The following SOBP variants were observed in gnomAD, a reference collection of about 807,000 sequenced individuals.
SOBP encodes sine oculis-binding protein homolog.
A neutral mutation model predicts 53.6 loss-of-function variants in SOBP; 4 were observed. That is an observed-to-expected ratio of 0.07 (90% CI 0.04 to 0.17). The LOEUF is 0.17. SOBP is among the 10% of genes least tolerant of loss of function. SOBP has a pLI of 1.00. For missense variants in SOBP, 1,088 were observed against 1,204.7 expected (o/e 0.90, Z 1.43); for synonymous variants, 584 against 522.6 (o/e 1.12, Z -1.60).
intron 6 of SOBP, among the ~76,000 whole-genome samples, chr6:107,642,566 A>G (rs1771377067): frequency 1.3e-5 from 2 of 152,220 alleles, no homozygotes; most frequent in African/African-American, 2.4e-5. Flanking sequence ...AGCCCTGAGT[A>G]GAGAGATGGG....
intron 3 of SOBP, among the ~76,000 whole-genome samples, chr6:107,529,145 G>T (rs1783749077): frequency 6.6e-6 from 1 of 152,192 alleles, no homozygotes; most frequent in South Asian, 2.1e-4. Flanking sequence ...ACTCCTGGTG[G>T]ACTCTGTAGA....
At chr6:107,513,736 AAAAAG>A (rs1477836204) in intron 3 of SOBP, among the ~76,000 whole-genome samples, 2 of 151,562 alleles carry the variant, frequency 1.3e-5, no homozygotes, top group Non-Finnish European at 2.9e-5. Flanking sequence ...AAAAAAAAAA[AAAAAG>A]AAAGAAAAAG....
chr6:107,579,041 T>C (rs1785323375), intron 4 of SOBP, among the ~76,000 whole-genome samples: 1 of 152,168 alleles, frequency 6.6e-6, no homozygotes, highest in Non-Finnish European at 1.5e-5. Context: ...TAATTAAGGA[T>C]TTTGTGGGTG....
At chr6:107,603,658 C>T (rs1458100603) in intron 5 of SOBP, among the ~76,000 whole-genome samples, 3 of 152,114 alleles carry the variant, frequency 2.0e-5, no homozygotes, top group African/African-American at 7.2e-5. Context: ...TGAAGGAAGC[C>T]TCTATGCTCA....
chr6:107,600,818 A>T (rs551080232), intron 5 of SOBP, among the ~76,000 whole-genome samples: 6 of 152,368 alleles, frequency 3.9e-5, no homozygotes, highest in Non-Finnish European at 8.8e-5. Context: ...TCTAGTCAGC[A>T]AGCTTTTATT....
At chr6:107,566,223 C>G (rs989360883) in intron 4 of SOBP, among the ~76,000 whole-genome samples, 1 of 152,172 alleles carries the variant, frequency 6.6e-6, no homozygotes, top group African/African-American at 2.4e-5. Context: ...AAACCAAAAC[C>G]CTTCTCACTC....
intron 1 of SOBP, among the ~76,000 whole-genome samples, chr6:107,502,168 G>A (rs1047112816): frequency 2.6e-5 from 4 of 152,106 alleles, no homozygotes; most frequent in South Asian, 2.1e-4. Flanking sequence ...ATTTAAAGTC[G>A]TGAAATTCAA....
At chr6:107,563,772 G>A (rs987355619) in intron 4 of SOBP, among the ~76,000 whole-genome samples, 1 of 152,060 alleles carries the variant, frequency 6.6e-6, no homozygotes, top group Non-Finnish European at 1.5e-5. Context: ...CATGGCTTTG[G>A]CTTGAGGGGA....
At position 107,635,710 on chromosome 6, in the gene SOBP, G is replaced by A. The variant is rs1401193137; in HGVS notation, c.*3+241G>A. On this transcript the variant is annotated intron_variant, in intron 6 of 6. Transcript: ENST00000317357. This position sits in a 1 kb window ranked among gnomAD's most constrained non-coding sequence, Gnocchi z 4.5. ...CCACAGCATGTGAGTGCCAAGCCCC[G>A]GGTCACTTACTTGAGGGGAGAGCTC... Among the ~76,000 whole-genome samples the A allele has an allele frequency of 6.6e-6, 1 of 152,150 alleles. No individual in the cohort carries two copies. Among genetic ancestry groups the A allele is most frequent in the African/African-American group, 2.4e-5 (1 of 41,418 alleles).
At chr6:107,656,550 T>TAA (rs1352948582) in intron 6 of SOBP, among the ~76,000 whole-genome samples, 1 of 152,214 alleles carries the variant, frequency 6.6e-6, no homozygotes, top group Admixed American at 6.5e-5. Flanking sequence ...GGTGATTTAA[T>TAA]GTGATTGGGG....
At chr6:107,544,073 A>G (rs1412720399) in intron 4 of SOBP, among the ~76,000 whole-genome samples, 1 of 152,168 alleles carries the variant, frequency 6.6e-6, no homozygotes, top group Non-Finnish European at 1.5e-5. Context: ...CAAGGACTGT[A>G]TTGGATGTGG....
intron 4 of SOBP, among the ~76,000 whole-genome samples, chr6:107,543,150 T>A (rs1416791636): frequency 6.6e-6 from 1 of 152,170 alleles, no homozygotes; most frequent in Non-Finnish European, 1.5e-5. Flanking sequence ...ATAAAAGATA[T>A]CATTTGGAGT....
At position 107,570,670 on chromosome 6, in the gene SOBP, C is replaced by G. The variant is rs531135739; in HGVS notation, c.574-16410C>G. 1.6e-3 allele frequency among the ~76,000 whole-genome samples: 241 copies of G among 152,360 alleles called. 1 individual carries two copies. The highest frequency in any genetic ancestry group is 5.3e-3 in the African/African-American group (220 of 41,586). Reference sequence around the variant, plus strand: ...ACTTCCTTTCACCTGTCCTTTCATTCTTTCAGCCACCAGTCTGGGAGGTAG... The same window carrying G: ...ACTTCCTTTCACCTGTCCTTTCATTGTTTCAGCCACCAGTCTGGGAGGTAG... On this transcript the variant is annotated intron_variant, in intron 4 of 6. Coordinates refer to ENST00000317357, the MANE Select transcript of SOBP (RefSeq NM_018013.4).
At chr6:107,540,197 A>G (rs956400610) in intron 4 of SOBP, among the ~76,000 whole-genome samples, 1 of 152,242 alleles carries the variant, frequency 6.6e-6, no homozygotes, top group Admixed American at 6.5e-5. Flanking sequence ...CACAATGCCT[A>G]GTATAGTCGA....
intron 3 of SOBP, among the ~76,000 whole-genome samples, chr6:107,521,953 CACACACAA>C (rs1562587655): frequency 8.8e-6 from 1 of 113,904 alleles, no homozygotes; most frequent in African/African-American, 2.8e-5. Context: ...CACACACACA[CACACACAA>C]ACTCAATCAA....
At chr6:107,500,679 G>A (rs895130309) in intron 1 of SOBP, among the ~76,000 whole-genome samples, 31 of 151,548 alleles carry the variant, frequency 2.0e-4, no homozygotes, top group African/African-American at 5.3e-4. Context: ...CCGCCACTAC[G>A]CCCGGCTAAT....
intron 1 of SOBP, among the ~76,000 whole-genome samples, chr6:107,500,319 G>T (rs1415657028): frequency 6.6e-6 from 1 of 150,516 alleles, no homozygotes; most frequent in Non-Finnish European, 1.5e-5. Flanking sequence ...GGTGGAGGTT[G>T]CAGTGAACCA....
intron 4 of SOBP, among the ~76,000 whole-genome samples, chr6:107,572,515 G>A (rs1785103000): frequency 6.6e-6 from 1 of 152,088 alleles, no homozygotes; most frequent in Non-Finnish European, 1.5e-5. Flanking sequence ...TGTTGCCCAG[G>A]ATGTTCTCAA....
intron 5 of SOBP, among the ~76,000 whole-genome samples, chr6:107,618,124 C>T (rs560406889): frequency 1.3e-5 from 2 of 152,112 alleles, no homozygotes; most frequent in Non-Finnish European, 2.9e-5. Context: ...CCACCGTGCG[C>T]GGCCCGTATG....
Sources: allele counts gnomAD v4.1 joint callset (sites outside exome capture counted in the v4.1 genomes callset), GRCh38; gene constraint gnomAD v4.1.1; non-coding constraint Gnocchi (gnomAD v3.1); transcripts MANE v1.5; gene names NCBI Gene and HGNC (gene_info 2026-07-23, HGNC 2026-07-21).